The following SEM1 variants were observed in gnomAD, a reference collection of about 807,000 sequenced individuals.
SEM1 encodes the protein 26S proteasome complex subunit SEM1.
In SEM1, 3 loss-of-function variants were observed where a neutral mutation model predicts 12.7. The observed-to-expected ratio is 0.24, with a 90% confidence interval of 0.11 to 0.61. The LOEUF is 0.61. Ranked by LOEUF, SEM1 falls within the 20% of genes least tolerant of loss-of-function variation. The pLI, the probability that SEM1 is intolerant of heterozygous loss-of-function variation, is 0.88. For synonymous variants in SEM1, 30 were observed against 27.8 expected (o/e 1.08, Z -0.25); for missense variants, 59 against 81.3 (o/e 0.73, Z 1.06).
At chr7:96,667,902 G>A (rs1195415789) in intron 2 of SEM1, among the ~76,000 whole-genome samples, 1 of 152,120 alleles carries the variant, frequency 6.6e-6, no homozygotes. Context: ...CACCAATATC[G>A]TTCTTTATCT....
intron 2 of SEM1, among the ~76,000 whole-genome samples, chr7:96,569,330 A>G (rs945500788): frequency 6.6e-6 from 1 of 152,066 alleles, no homozygotes; most frequent in African/African-American, 2.4e-5. Flanking sequence ...GTGTGACTAC[A>G]TTTCCTCAAA....
At chr7:96,556,896 A>G (rs1805522085) in intron 2 of SEM1, among the ~76,000 whole-genome samples, 1 of 138,586 alleles carries the variant, frequency 7.2e-6, no homozygotes, top group Non-Finnish European at 1.6e-5. Context: ...ATTTCTTTTT[A>G]TTCTTTTTTC....
chr7:96,572,892 T>C (rs1010260163), intron 2 of SEM1, among the ~76,000 whole-genome samples: 2 of 152,204 alleles, frequency 1.3e-5, no homozygotes, highest in Admixed American at 6.5e-5. Flanking sequence ...TGTTAAAGTC[T>C]CCCACTATTA....
At chr7:96,492,935 G>A (rs549704686) in intron 1 of SEM1, among the ~76,000 whole-genome samples, 2 of 152,064 alleles carry the variant, frequency 1.3e-5, no homozygotes, top group South Asian at 4.2e-4. Flanking sequence ...TATTTCTGGT[G>A]TATATTCAAA....
intron 2 of SEM1, among the ~76,000 whole-genome samples, chr7:96,595,384 C>T (rs1806965442): frequency 6.6e-6 from 1 of 151,958 alleles, no homozygotes; most frequent in African/African-American, 2.4e-5. Context: ...TGGTGGTGTG[C>T]ACATGTAGTC....
chr7:96,614,099 C>G (rs925498579), intron 2 of SEM1, among the ~76,000 whole-genome samples: 5 of 151,476 alleles, frequency 3.3e-5, no homozygotes, highest in African/African-American at 1.2e-4. Context: ...TCATATCCAT[C>G]TACTGTATTT....
At chr7:96,574,582 T>A (rs1806144609) in intron 2 of SEM1, among the ~76,000 whole-genome samples, 2 of 152,174 alleles carry the variant, frequency 1.3e-5, no homozygotes, top group Admixed American at 6.5e-5. Flanking sequence ...TTTCTCCACA[T>A]CCTCTCCAGC....
chr7:96,630,487 G>T (rs1484160983), intron 2 of SEM1, among the ~76,000 whole-genome samples: 4 of 152,232 alleles, frequency 2.6e-5, no homozygotes, highest in Non-Finnish European at 1.5e-5. Context: ...CAGTCAGCTT[G>T]TGGTGAATGC....
chr7:96,515,756 G>A (rs575454564), intron 2 of SEM1, among the ~76,000 whole-genome samples: 99 of 152,206 alleles, frequency 6.5e-4, no homozygotes, highest in Middle Eastern at 3.4e-3. Context: ...AACCATCATT[G>A]TAAGCAAACT....
chr7:96,699,148 C>T (rs895204672), intron 1 of SEM1, among the ~76,000 whole-genome samples: 7 of 152,084 alleles, frequency 4.6e-5, no homozygotes, highest in East Asian at 1.9e-4. Context: ...TCTTAAGACA[C>T]GCATGGGCAA....
chr7:96,499,029 A>T (rs369081788), upstream of SEM1, among the ~76,000 whole-genome samples: 13 of 152,328 alleles, frequency 8.5e-5, no homozygotes, highest in East Asian at 2.3e-3. Flanking sequence ...TGAAGCACAT[A>T]GATTTTTCAA....
At chr7:96,493,876 A>G (rs2117232938) in intron 1 of SEM1, among the ~76,000 whole-genome samples, 1 of 152,276 alleles carries the variant, frequency 6.6e-6, no homozygotes, top group Middle Eastern at 3.4e-3. Context: ...ATTGCTCTTC[A>G]AAACATATAG....
intron 2 of SEM1, among the ~76,000 whole-genome samples, chr7:96,527,095 T>C (rs1340460101): frequency 6.6e-6 from 1 of 151,722 alleles, no homozygotes; most frequent in African/African-American, 2.4e-5. Context: ...CTCAGGTTGG[T>C]ACATAAAGAG....
intron 2 of SEM1, among the ~76,000 whole-genome samples, chr7:96,636,607 T>C (rs1002622010): frequency 1.3e-5 from 2 of 152,114 alleles, no homozygotes; most frequent in African/African-American, 4.8e-5. Context: ...TGTGTCTGCA[T>C]GTGAATGTCT....
chr7:96,625,491 C>A (rs1330013131), intron 2 of SEM1, among the ~76,000 whole-genome samples: 1 of 152,124 alleles, frequency 6.6e-6, no homozygotes, highest in Non-Finnish European at 1.5e-5. Context: ...TCTTTTGAAA[C>A]AAATCTTTGG....
At chr7:96,514,366 C>T (rs962460961) in intron 2 of SEM1, among the ~76,000 whole-genome samples, 1 of 152,088 alleles carries the variant, frequency 6.6e-6, no homozygotes, top group Non-Finnish European at 1.5e-5. Context: ...GCACATGCTA[C>T]CATACCCAGC....
At chr7:96,530,870 G>A (rs1804617173) in intron 2 of SEM1, among the ~76,000 whole-genome samples, 1 of 152,060 alleles carries the variant, frequency 6.6e-6, no homozygotes, top group South Asian at 2.1e-4. Flanking sequence ...GTTGGGGTGA[G>A]GGAAAAGGGA....
intron 2 of SEM1, among the ~76,000 whole-genome samples, chr7:96,584,034 C>T (rs1186380605): frequency 2.6e-5 from 4 of 151,664 alleles, no homozygotes; most frequent in African/African-American, 7.3e-5. Flanking sequence ...TTATTTTGCT[C>T]GTTAGTTGAT....
exon 4 of SEM1, chr7:96,483,402 C>A: frequency 5.9e-6 from 1 of 169,294 alleles, no homozygotes; most frequent in Non-Finnish European, 1.3e-5. Flanking sequence ...AGTGGAAAGA[C>A]TCTTCTGTTG....
Sources: gnomAD v4.1 joint callset for allele counts (sites outside exome capture counted in the v4.1 genomes callset) on GRCh38, gnomAD v4.1.1 for gene constraint, MANE v1.5 for transcripts, NCBI Gene and HGNC (gene_info 2026-07-23, HGNC 2026-07-21) for gene names.